The following SLC35F3 variants were observed in gnomAD, a reference collection of about 807,000 sequenced individuals.
SLC35F3 encodes the protein putative thiamine transporter SLC35F3.
SLC35F3 carries 25 observed loss-of-function variants against 49.9 expected under a neutral mutation model. The observed-to-expected ratio is 0.50, with a 90% CI of 0.37 to 0.70. SLC35F3 has a LOEUF of 0.70. Ranked by LOEUF, SLC35F3 falls within the 30% of genes least tolerant of loss-of-function variation. SLC35F3 has a pLI of 0.00. For synonymous variants in SLC35F3, 275 were observed against 265.4 expected, an observed-to-expected ratio of 1.04 and a Z score of -0.35; for missense variants, 525 against 639.8, an observed-to-expected ratio of 0.82 and a Z score of 1.94.
intron 2 of SLC35F3, among the ~76,000 whole-genome samples, chr1:234,210,000 A>C (rs1317649255): frequency 6.6e-6 from 1 of 152,164 alleles, no homozygotes; most frequent in African/African-American, 2.4e-5. Context: ...CTCATCTTGA[A>C]TTTCCATATG....
rs1666608552 is a variant in SLC35F3 at position 234,184,704 on chromosome 1, AG to A, written c.284-46710del. Among the ~76,000 whole-genome samples the A allele has an allele frequency of 4.6e-5, 7 of 152,302 alleles. No homozygotes were observed. The South Asian group carries it at 1.5e-3, about 32-fold the overall frequency. On this transcript the variant is annotated intron_variant, in intron 2 of 7. Coordinates refer to ENST00000366618, the MANE Select transcript of SLC35F3 (RefSeq NM_173508.4). ...GGGCCTCTACATATTTGTTCCTCAA[AG>A]GGAACTGAGGACTCAGCTCCGCAGG...
Position 233,905,556 on chromosome 1 carries a change from C to T in SLC35F3, c.81C>T (p.Ser27=), listed in dbSNP as rs369506915. 10 of 1,613,704 alleles carry T rather than the reference C, an allele frequency of 6.2e-6. No homozygotes were observed. In the South Asian group the frequency reaches 9.9e-5, roughly 16 times the overall value. The change falls in exon 2 of 8, where the codon AGC becomes AGT. Residue 27 remains serine (S), a synonymous_variant. Transcript: ENST00000366618. ...AVGMRRSPDV[S]PRRLSDISPQ... The stretch of plus-strand genomic sequence containing the variant: ...GCATGAGGAGGTCACCGGACGTCAG[C>T]CCCCGGAGACTGTCCGACATCAGCC...
At chr1:234,286,543 A>G (rs1030712194) in intron 3 of SLC35F3, among the ~76,000 whole-genome samples, 3 of 152,228 alleles carry the variant, frequency 2.0e-5, no homozygotes, top group African/African-American at 7.2e-5. Context: ...TGAATTAAGG[A>G]TATGACAGCA....
At chr1:234,153,313 C>G (rs911478696) in intron 2 of SLC35F3, among the ~76,000 whole-genome samples, 1 of 152,192 alleles carries the variant, frequency 6.6e-6, no homozygotes, top group East Asian at 1.9e-4. Context: ...ATAGATACAG[C>G]CCAGTGATAA....
chr1:233,967,166 T>G (rs1662918042), intron 2 of SLC35F3, among the ~76,000 whole-genome samples: 1 of 152,208 alleles, frequency 6.6e-6, no homozygotes, highest in South Asian at 2.1e-4. Flanking sequence ...TCATTGTTAA[T>G]CTGAAATTCA....
intron 2 of SLC35F3, among the ~76,000 whole-genome samples, chr1:233,909,367 T>C (rs1045571160): frequency 1.1e-4 from 17 of 152,194 alleles, no homozygotes; most frequent in African/African-American, 3.9e-4. Context: ...TATCATCTGT[T>C]GAGTGGATCC....
At chr1:234,062,270 G>A (rs1664553253) in intron 2 of SLC35F3, among the ~76,000 whole-genome samples, 1 of 152,176 alleles carries the variant, frequency 6.6e-6, no homozygotes, top group Non-Finnish European at 1.5e-5. Flanking sequence ...AAGGCCTTGG[G>A]TATACCCTGA....
Position 234,321,398 on chromosome 1 carries a change from C to T in SLC35F3, c.1237+1211C>T, listed in dbSNP as rs548762743. 5.9e-5 allele frequency among the ~76,000 whole-genome samples: 9 copies of T among 152,298 alleles called. No individual in the cohort carries two copies. In the South Asian group the frequency reaches 1.9e-3, roughly 32 times the overall value. ...CTTGCTACTTCGGTTGATGTGACAACCAGATGAAATAACCGATGAGACAGC... is the reference window on the plus strand; with the variant it reads ...CTTGCTACTTCGGTTGATGTGACAATCAGATGAAATAACCGATGAGACAGC... On this transcript the variant is annotated intron_variant, in intron 7 of 7. Transcript: ENST00000366618.
intron 2 of SLC35F3, among the ~76,000 whole-genome samples, chr1:234,038,416 A>G (rs558099562): frequency 1.3e-5 from 2 of 151,786 alleles, no homozygotes; most frequent in African/African-American, 2.4e-5. Context: ...TAGTGCCACA[A>G]TAAACATACA....
chr1:234,276,297 T>A (rs1490444644), intron 3 of SLC35F3, among the ~76,000 whole-genome samples: 1 of 152,202 alleles, frequency 6.6e-6, no homozygotes, highest in Non-Finnish European at 1.5e-5. Flanking sequence ...GGACCTGAGA[T>A]AAGCTCTGAA....
At chr1:234,042,035 C>T (rs909796748) in intron 2 of SLC35F3, among the ~76,000 whole-genome samples, 7 of 152,154 alleles carry the variant, frequency 4.6e-5, no homozygotes, top group Non-Finnish European at 1.0e-4. Context: ...CAGTAAATCT[C>T]CCTCCTACTG....
rs1206616622 is a variant in SLC35F3 at position 234,080,142 on chromosome 1, A to C, written c.284-151275A>C. On this transcript the variant is annotated intron_variant, in intron 2 of 7. Transcript: ENST00000366618. ...GGAGAGGCTGAGCGTTCACTTAATCACCCATGGCTAATGATTTAATCACCC... is the reference window on the plus strand; with the variant it reads ...GGAGAGGCTGAGCGTTCACTTAATCCCCCATGGCTAATGATTTAATCACCC... 7.9e-5 allele frequency among the ~76,000 whole-genome samples: 12 copies of C among 152,164 alleles called. No individual in the cohort carries two copies. The East Asian group carries it at 2.3e-3, about 29-fold the overall frequency.
intron 2 of SLC35F3, among the ~76,000 whole-genome samples, chr1:234,126,351 A>G (rs1665646570): frequency 6.6e-6 from 1 of 152,224 alleles, no homozygotes; most frequent in African/African-American, 2.4e-5. Context: ...TGTAAGAGGT[A>G]ATACAGAGAG....
intron 4 of SLC35F3, among the ~76,000 whole-genome samples, chr1:234,314,216 T>A (rs1657429159): frequency 6.6e-6 from 1 of 152,182 alleles, no homozygotes; most frequent in Admixed American, 6.5e-5. Context: ...GATGTTTATC[T>A]CCTCAACAGA....
intron 2 of SLC35F3, among the ~76,000 whole-genome samples, chr1:234,055,699 T>A (rs186521013): frequency 1.2e-4 from 18 of 152,118 alleles, no homozygotes; most frequent in Non-Finnish European, 2.4e-4. Context: ...AGTACCACAG[T>A]TGGAAATGCA....
intron 4 of SLC35F3, among the ~76,000 whole-genome samples, chr1:234,310,258 G>C (rs762122885): frequency 2.6e-5 from 4 of 152,134 alleles, no homozygotes; most frequent in Non-Finnish European, 5.9e-5. Context: ...GCTAAGAGCC[G>C]GTTTGAGGGG....
At chr1:234,288,288 A>T (rs560304172) in intron 3 of SLC35F3, among the ~76,000 whole-genome samples, 1 of 152,352 alleles carries the variant, frequency 6.6e-6, no homozygotes, top group Admixed American at 6.5e-5. Context: ...AGCAGCTGCG[A>T]AAACAAAGAA....
chr1:234,029,664 T>C (rs1251895739), intron 2 of SLC35F3, among the ~76,000 whole-genome samples: 1 of 152,182 alleles, frequency 6.6e-6, no homozygotes, highest in Admixed American at 6.5e-5. Flanking sequence ...TTTTCCACCC[T>C]TTCCCAACTG....
At chr1:234,089,335 A>G (rs73106438) in intron 2 of SLC35F3, among the ~76,000 whole-genome samples, 3,478 of 152,324 alleles carry the variant, frequency 0.023, 110 homozygotes, top group African/African-American at 0.065. Flanking sequence ...GAAGGACGGC[A>G]TTAGGGAAGA....
Sources: gnomAD v4.1 joint callset for allele counts (sites outside exome capture counted in the v4.1 genomes callset) on GRCh38, gnomAD v4.1.1 for gene constraint, MANE v1.5 for transcripts, NCBI Gene and HGNC (gene_info 2026-07-23, HGNC 2026-07-21) for gene names.